ZNF43: variants seen among roughly 807,000 people sequenced by gnomAD.
ZNF43 encodes the protein zinc finger protein 39-like 1 (KOX 27).
ZNF43 carries 44 observed loss-of-function variants against 68.4 expected under a neutral mutation model. That is an observed-to-expected ratio of 0.64 (90% CI 0.51 to 0.83). The LOEUF (loss-of-function observed/expected upper bound fraction) is 0.83, where lower values mean the gene tolerates loss of function less well. Ranked by LOEUF, ZNF43 falls within the 40% of genes least tolerant of loss-of-function variation. The probability of loss-of-function intolerance (pLI) is 0.00; values close to 1 mark genes in which losing one functional copy is unlikely to be tolerated. For synonymous variants in ZNF43, 308 were observed against 307.8 expected (o/e 1.00, Z -0.01); for missense variants, 896 against 933.2 (o/e 0.96, Z 0.52).
chr19:21,845,945 T>C (rs1967921141), intron 1 of ZNF43, among the ~76,000 whole-genome samples: 1 of 151,278 alleles, frequency 6.6e-6, no homozygotes, highest in Non-Finnish European at 1.5e-5. Context: ...TCCCATCATG[T>C]AGGTGCTGGG....
At chr19:21,817,787 T>G in intron 3 of ZNF43, 101 bp downstream of exon 3, 2 of 1,251,184 alleles carry the variant, frequency 1.6e-6, no homozygotes, top group Non-Finnish European at 2.3e-6. Flanking sequence ...ACTCTTTCCT[T>G]TGGAACACAG....
intron 3 of ZNF43, among the ~76,000 whole-genome samples, chr19:21,816,639 C>G (rs1044561399): frequency 1.3e-5 from 2 of 152,138 alleles, no homozygotes; most frequent in Non-Finnish European, 2.9e-5. Flanking sequence ...ACTGTGGACC[C>G]TGAAGCAGTT....
At chr19:21,841,946 G>A (rs761114363) in intron 1 of ZNF43, among the ~76,000 whole-genome samples, 4 of 152,172 alleles carry the variant, frequency 2.6e-5, no homozygotes, top group African/African-American at 7.2e-5. Flanking sequence ...ATTGAAATAT[G>A]GCAGGGTCCA....
intron 1 of ZNF43, among the ~76,000 whole-genome samples, chr19:21,842,781 A>G (rs1027399431): frequency 3.3e-5 from 5 of 152,214 alleles, no homozygotes; most frequent in Non-Finnish European, 5.9e-5. Context: ...GGAGAGTCAT[A>G]TAATCTAGTT....
chr19:21,834,395 A>AT, intron 1 of ZNF43, among the ~76,000 whole-genome samples: 1 of 151,038 alleles, frequency 6.6e-6, no homozygotes, highest in Non-Finnish European at 1.5e-5. Flanking sequence ...AGAGATTTTT[A>AT]TTTTTTACAA....
intron 1 of ZNF43, among the ~76,000 whole-genome samples, chr19:21,834,890 A>T (rs1260679448): frequency 3.3e-5 from 5 of 151,766 alleles, no homozygotes; most frequent in Admixed American, 6.6e-5. Flanking sequence ...AAATATACAG[A>T]TATCTAAAAT....
At chr19:21,816,537 C>A (rs2037536865) in intron 3 of ZNF43, among the ~76,000 whole-genome samples, 1 of 152,166 alleles carries the variant, frequency 6.6e-6, no homozygotes, top group Non-Finnish European at 1.5e-5. Context: ...ACTCTGTAAG[C>A]ATCCCAAACT....
At chr19:21,816,808 A>G (rs2145205518) in intron 3 of ZNF43, among the ~76,000 whole-genome samples, 1 of 152,182 alleles carries the variant, frequency 6.6e-6, no homozygotes, top group Admixed American at 6.5e-5. Flanking sequence ...CGACTGCAAA[A>G]AACTGCCCTA....
At chr19:21,833,246 T>C (rs2038509505) in intron 1 of ZNF43, among the ~76,000 whole-genome samples, 1 of 152,054 alleles carries the variant, frequency 6.6e-6, no homozygotes, top group Admixed American at 6.6e-5. Context: ...AAGAGAAAGG[T>C]AAATGATAAT....
upstream of ZNF43, chr19:21,841,156 T>C (rs1387548518): frequency 6.6e-6 from 1 of 152,274 alleles, no homozygotes; most frequent in Non-Finnish European, 1.5e-5. Context: ...GGACTTTACC[T>C]GTTTCTCTAA....
rs2036878184 is a variant in ZNF43, at chr19:21,805,126, T to G, written c.*2481A>C. The G allele has an allele frequency of 6.6e-6, 1 of 152,222 alleles. No individual in the cohort carries two copies. Among genetic ancestry groups the G allele is most frequent in the African/African-American group, 2.4e-5 (1 of 41,462 alleles). The allele number at this position is 152,222 out of a possible 1,614,324, so 9.4% of individuals were successfully genotyped here. A position where few individuals can be genotyped will look rare whatever the true frequency, so the allele number is the denominator to read the frequency against. On this transcript the variant is annotated 3_prime_UTR_variant, in exon 4 of 4. Transcript: ENST00000354959. ...AGATACTTTATCCTGATGTGACTAATACATATTATATGCCTGTATCAAAAC... is the reference window on the plus strand; with the variant it reads ...AGATACTTTATCCTGATGTGACTAAGACATATTATATGCCTGTATCAAAAC...
At chr19:21,824,730 C>A (rs1312825528) in intron 1 of ZNF43, among the ~76,000 whole-genome samples, 2 of 93,994 alleles carry the variant, frequency 2.1e-5, no homozygotes, top group Admixed American at 1.1e-4. Context: ...AATATGTTTA[C>A]CTAAAAAAAA....
chr19:21,848,755 TGA>T (rs1336544241), intron 1 of ZNF43, among the ~76,000 whole-genome samples: 2 of 152,188 alleles, frequency 1.3e-5, no homozygotes, highest in Non-Finnish European at 2.9e-5. Context: ...GTTCTAGGTA[TGA>T]GAGTCACCAC....
chr19:21,828,948 G>A (rs2038278910), intron 1 of ZNF43, among the ~76,000 whole-genome samples: 1 of 144,360 alleles, frequency 6.9e-6, no homozygotes, highest in African/African-American at 2.6e-5. Context: ...CAGGAGAATG[G>A]CGTGAACCAG....
intron 1 of ZNF43, among the ~76,000 whole-genome samples, chr19:21,831,394 CT>C (rs1568375670): frequency 6.6e-6 from 1 of 151,764 alleles, no homozygotes; most frequent in African/African-American, 2.4e-5. Context: ...CGGTGTCTTG[CT>C]CTGTCACCCA....
intron 1 of ZNF43, among the ~76,000 whole-genome samples, chr19:21,823,187 T>G (rs963054542): frequency 1.3e-5 from 2 of 152,214 alleles, no homozygotes; most frequent in African/African-American, 2.4e-5. Context: ...TAATGCTAAA[T>G]TCAACCATGT....
chr19:21,849,974 CT>C (rs1434725460), intron 1 of ZNF43: 1 of 152,168 alleles, frequency 6.6e-6, no homozygotes, highest in Admixed American at 6.6e-5. Context: ...ATGTCACAGT[CT>C]TTTCTGAGGG....
At chr19:21,850,637 C>T (rs1022872374) in intron 1 of ZNF43, among the ~76,000 whole-genome samples, 2 of 152,176 alleles carry the variant, frequency 1.3e-5, no homozygotes, top group Non-Finnish European at 2.9e-5. Flanking sequence ...GTAACATGTC[C>T]TAACGTCCAA....
Position 21,815,124 on chromosome 19 carries a change from G to A in ZNF43, c.229+2764C>T, listed in dbSNP as rs144882375. Among the ~76,000 whole-genome samples, 173 of 151,832 alleles carry A rather than the reference G, an allele frequency of 1.1e-3. 1 individual carries two copies. The East Asian group carries it at 0.032, about 28-fold the overall frequency. On this transcript the variant is annotated intron_variant, in intron 3 of 3. Transcript: ENST00000354959. The stretch of plus-strand genomic sequence containing the variant: ...AATCGCTGGAACCTGGAGGGGCGGA[G>A]GTTGCAGTGAGCCGAGATCATGCCA...
Sources: allele counts gnomAD v4.1 joint callset (sites outside exome capture counted in the v4.1 genomes callset), GRCh38; gene constraint gnomAD v4.1.1; transcripts MANE v1.5; gene names NCBI Gene and HGNC (gene_info 2026-07-23, HGNC 2026-07-21).